The following HDAC7 variants were observed in gnomAD, a reference collection of about 807,000 sequenced individuals.
HDAC7 encodes histone deacetylase 7A.
HDAC7 carries 26 observed loss-of-function variants against 115.5 expected under a neutral mutation model. That is an observed-to-expected ratio of 0.23 (90% CI 0.16 to 0.31). The LOEUF is 0.31. Among genes scored for constraint, HDAC7 ranks in the 10% least tolerant of loss-of-function variants. The pLI, the probability that HDAC7 is intolerant of heterozygous loss-of-function variation, is 1.00. For missense variants in HDAC7, 1,068 were observed against 1,329.0 expected (o/e 0.80, Z 3.05); for synonymous variants, 564 against 550.9 (o/e 1.02, Z -0.33).
intron 1 of HDAC7, chr12:47,802,600 A>C: frequency 1.1e-6 from 1 of 892,798 alleles, no homozygotes; most frequent in Non-Finnish European, 1.7e-6. Flanking sequence ...GTCAGATACA[A>C]TCTTCCCTGG....
chr12:47,789,939 G>C lies in HDAC7; in HGVS notation c.1984-19C>G, dbSNP rs1943387914. 1 of 1,567,530 alleles carries C rather than the reference G, an allele frequency of 6.4e-7. No individual in the cohort carries two copies. On this transcript the variant is annotated intron_variant, in intron 16 of 25. Coordinates refer to ENST00000080059, the MANE Select transcript of HDAC7 (RefSeq NM_015401.5). ...TGTCCACCTGCGGGAGCCAGAGTCAGGGCCCGCATCATCCAAGGCTTCACA... is the reference window on the plus strand; with the variant it reads ...TGTCCACCTGCGGGAGCCAGAGTCACGGCCCGCATCATCCAAGGCTTCACA...
chr12:47,811,475 G>GA, intron 1 of HDAC7, among the ~76,000 whole-genome samples: 1 of 152,150 alleles, frequency 6.6e-6, no homozygotes, highest in South Asian at 2.1e-4. Context: ...ATCACTGACT[G>GA]AAAAAACAGT....
chr12:47,821,209 G>GA (rs1285676023), upstream of HDAC7, among the ~76,000 whole-genome samples: 1 of 152,226 alleles, frequency 6.6e-6, no homozygotes, highest in Non-Finnish European at 1.5e-5. Flanking sequence ...TGTCTGATTG[G>GA]AAGCAAGAGC....
At position 47,795,081 on chromosome 12, in the gene HDAC7, T is replaced by C. The variant is rs1274022305; in HGVS notation, c.1284+103A>G. ...CCCCAAGAAGCCACATCCCCCTCTT[T>C]TGCCCTCCAGTTCCCTGCCCTTTCT... On this transcript the variant is annotated intron_variant, in intron 11 of 25. Transcript: ENST00000080059. The surrounding 1 kb of genome is among the most constrained non-coding windows in gnomAD (Gnocchi z 4.3). The C allele has an allele frequency of 1.5e-6, 2 of 1,322,066 alleles. No individual in the cohort carries two copies. Among genetic ancestry groups the C allele is most frequent in the Non-Finnish European group, 2.1e-6 (2 of 946,454 alleles). The allele number at this position is 1,322,066 out of a possible 1,614,324, so 81.9% of individuals were successfully genotyped here.
chr12:47,788,084 G>A lies in HDAC7; in HGVS notation c.2316C>T (p.Asp772=), dbSNP rs770581082. 72 of 1,613,424 alleles carry A rather than the reference G, an allele frequency of 4.5e-5. No individual in the cohort carries two copies. Among genetic ancestry groups the A allele is most frequent in the South Asian group, 3.0e-4 (27 of 90,984 alleles). The change falls in exon 20 of 26, where the codon GAC becomes GAT. Residue 772 remains aspartate, a synonymous_variant. Transcript: ENST00000080059. ...CACTCCCCGGGAAGAAGTTGCCGTC[G>A]TCATGGCGATGCAGGGAGATGTAGA... ...SVLYISLHRH[D]DGNFFPGSGA... is the part of the protein sequence containing the mutation.
At chr12:47,802,153 C>T (rs1286137932) in intron 2 of HDAC7, 71 bp downstream of exon 2, 12 of 1,483,942 alleles carry the variant, frequency 8.1e-6, no homozygotes, top group African/African-American at 1.4e-5. Context: ...CTCAGCTTCT[C>T]GCGTTCTTAC....
In HDAC7 at chr12:47,791,991, G is replaced by A. The variant is rs763603047; in HGVS notation, c.1692C>T (p.Asp564=). Residue 564 remains aspartate (D), a synonymous_variant, in exon 14 of 26, where the codon GAC becomes GAT. Coordinates refer to ENST00000080059, the MANE Select transcript of HDAC7 (RefSeq NM_015401.5). ...TLPFTTGLIY[D]SVMLKHQCSC... ...AGCACTGGTGCTTCAGCATGACCGA[G>A]TCATAGATCAGCCCTGCAGGAGCAA... 19 of 1,609,450 alleles carry A rather than the reference G, an allele frequency of 1.2e-5. No individual in the cohort carries two copies. Among genetic ancestry groups the A allele is most frequent in the Non-Finnish European group, 1.6e-5 (19 of 1,177,524 alleles).
Position 47,793,168 on chromosome 12 carries a change from C to G in HDAC7, c.1678+201G>C. 1 of 521,814 alleles carries G rather than the reference C, an allele frequency of 1.9e-6. No individual in the cohort carries two copies. Among genetic ancestry groups the G allele is most frequent in the Non-Finnish European group, 3.3e-6 (1 of 298,702 alleles). The allele number at this position is 521,814 out of a possible 1,614,324, so 32.3% of individuals were successfully genotyped here. A position where few individuals can be genotyped will look rare whatever the true frequency, so the allele number is the denominator to read the frequency against. On this transcript the variant is annotated intron_variant, in intron 13 of 25. Transcript: ENST00000080059. This position sits in a 1 kb window ranked among gnomAD's most constrained non-coding sequence, Gnocchi z 4.5. ...ACTTGCTATTTGACCACAGGCTTGTCACCTTAGATTTCGTGAGCCTTGGTC... is the reference window on the plus strand; with the variant it reads ...ACTTGCTATTTGACCACAGGCTTGTGACCTTAGATTTCGTGAGCCTTGGTC...
At chr12:47,810,408 T>A (rs1169650113) in intron 1 of HDAC7, among the ~76,000 whole-genome samples, 1 of 152,152 alleles carries the variant, frequency 6.6e-6, no homozygotes, top group Non-Finnish European at 1.5e-5. Context: ...GCCTGCCTCC[T>A]AGTAGTGGCT....
chr12:47,807,581 G>A (rs768790713), intron 1 of HDAC7, among the ~76,000 whole-genome samples: 26 of 151,806 alleles, frequency 1.7e-4, no homozygotes, highest in Non-Finnish European at 2.8e-4. Context: ...ATTCCCATTC[G>A]CCACAGGCCA....
chr12:47,785,515 C>G, intron 23 of HDAC7, 44 bp from the exon 24 acceptor site: 1 of 1,566,306 alleles, frequency 6.4e-7, no homozygotes, highest in South Asian at 1.2e-5. Flanking sequence ...CAGGGACCCA[C>G]AGGCCCAGCT....
rs778352308 is a variant in HDAC7, at chr12:47,795,323, C to T, written c.1145G>A (p.Arg382Gln). ...CCAGTGGAGGCCTGACCCAGAGAGC[C>T]GCTCGGTGGTCATTAAGGACTGGGC... ...HFAQSLMTTE[R>Q]LSGSGLHWPL... The change falls in exon 11 of 26, where the codon CGG becomes CAG. Residue 382 changes from arginine to glutamine, a missense_variant. Arg to Gln is a conservative substitution (Grantham distance 43, BLOSUM62 1). Transcript: ENST00000080059. This position sits in a 1 kb window ranked among gnomAD's most constrained non-coding sequence, Gnocchi z 4.3. 17 of 1,613,002 alleles carry T rather than the reference C, an allele frequency of 1.1e-5. No homozygotes were observed. Among genetic ancestry groups the T allele is most frequent in the Non-Finnish European group, 1.4e-5 (16 of 1,179,718 alleles).
intron 21 of HDAC7, 92 bp downstream of exon 21, chr12:47,787,620 T>C: frequency 2.4e-6 from 2 of 821,808 alleles, no homozygotes; most frequent in Non-Finnish European, 3.9e-6. Flanking sequence ...GGGGACAGGC[T>C]GACAATCCAA....
rs143904931 is a variant in HDAC7, at chr12:47,811,573, T to G, written c.19+8194A>C. 1.3e-3 allele frequency among the ~76,000 whole-genome samples: 197 copies of G among 152,354 alleles called. 1 individual carries two copies. Among genetic ancestry groups the G allele is most frequent in the African/African-American group, 3.7e-3 (154 of 41,586 alleles). On this transcript the variant is annotated intron_variant, in intron 1 of 25. Transcript: ENST00000080059. ...AAGATGTGCAGTGATCTCTGACTGA[T>G]GCGTCTGTGATGTTTTTTATTTTTT...
chr12:47,805,070 T>G (rs1944338406), intron 1 of HDAC7, among the ~76,000 whole-genome samples: 2 of 144,214 alleles, frequency 1.4e-5, no homozygotes, highest in East Asian at 3.9e-4. Flanking sequence ...GTGTCTTTTC[T>G]TAATTTTTTT....
At chr12:47,820,314 C>T (rs973465322), upstream of HDAC7, among the ~76,000 whole-genome samples, 2 of 152,224 alleles carry the variant, frequency 1.3e-5, no homozygotes, top group African/African-American at 4.8e-5. The surrounding 1 kb of genome is among the most constrained non-coding windows in gnomAD (Gnocchi z 4.3). Context: ...ACACAGCACA[C>T]ACTGGGGCTT....
At chr12:47,789,725 G>A (rs1291752452) in intron 17 of HDAC7, 88 bp downstream of exon 17, 7 of 1,358,932 alleles carry the variant, frequency 5.2e-6, no homozygotes, top group African/African-American at 2.9e-5. Context: ...AGAGGAATGC[G>A]ATGCCTGGGG....
At chr12:47,813,889 G>A (rs1944772221) in intron 1 of HDAC7, among the ~76,000 whole-genome samples, 1 of 152,212 alleles carries the variant, frequency 6.6e-6, no homozygotes, top group Non-Finnish European at 1.5e-5. Context: ...CCTGCAGCCT[G>A]AAGCTCTGGG....
At chr12:47,813,533 C>G (rs1379188130) in intron 1 of HDAC7, 3 of 152,362 alleles carry the variant, frequency 2.0e-5, no homozygotes, top group Non-Finnish European at 2.9e-5. Flanking sequence ...AGTTCCCCTA[C>G]GGATCCCCAG....
Sources: gnomAD v4.1 joint callset for allele counts (sites outside exome capture counted in the v4.1 genomes callset) on GRCh38, gnomAD v4.1.1 for gene constraint, Gnocchi (gnomAD v3.1) non-coding constraint, MANE v1.5 for transcripts, NCBI Gene and HGNC (gene_info 2026-07-23, HGNC 2026-07-21) for gene names.